Variants in RSF1 observed in about 807,000 individuals in gnomAD.
RSF1 encodes remodeling and spacing factor 1, also known as HBV pX-associated protein 8.
In RSF1, 13 loss-of-function variants were observed where a neutral mutation model predicts 145.2. The observed-to-expected ratio is 0.09, with a 90% CI of 0.06 to 0.14. The LOEUF is 0.14. Among genes scored for constraint, RSF1 ranks in the 10% least tolerant of loss-of-function variants. RSF1 has a pLI of 1.00. For missense variants in RSF1, 1,517 were observed against 1,718.2 expected, an observed-to-expected ratio of 0.88 and a Z score of 2.07; for synonymous variants, 577 against 592.6, an observed-to-expected ratio of 0.97 and a Z score of 0.38.
intron 5 of RSF1, among the ~76,000 whole-genome samples, chr11:77,710,855 GAT>G: frequency 6.6e-6 from 1 of 152,156 alleles, no homozygotes; most frequent in Non-Finnish European, 1.5e-5. Flanking sequence ...CAAAAGGAAG[GAT>G]ACGTATTTGA....
intron 5 of RSF1, among the ~76,000 whole-genome samples, chr11:77,706,532 T>C (rs1012892603): frequency 1.3e-5 from 2 of 152,190 alleles, no homozygotes; most frequent in Admixed American, 6.5e-5. Context: ...CCCATCTTTT[T>C]ACCAGAAACT....
chr11:77,698,130 G>T (rs922110289), intron 7 of RSF1, among the ~76,000 whole-genome samples: 1 of 152,090 alleles, frequency 6.6e-6, no homozygotes, highest in African/African-American at 2.4e-5. Flanking sequence ...ACTGGCATGT[G>T]GCCACCATGC....
chr11:77,707,635 CA>C (rs1176859979), intron 5 of RSF1, among the ~76,000 whole-genome samples: 18 of 152,092 alleles, frequency 1.2e-4, no homozygotes, highest in African/African-American at 4.3e-4. Context: ...TTTAACCAAC[CA>C]GCAAAGTTTT....
rs1164248993 is a variant in RSF1, at chr11:77,820,684, TCAC to T, written c.28_30del (p.Val10del). 1.3e-6 allele frequency: 2 copies of T among 1,553,154 alleles called. No individual in the cohort carries two copies. Among genetic ancestry groups the T allele is most frequent in the South Asian group, 1.2e-5 (1 of 84,242 alleles). On this transcript the variant is annotated inframe_deletion, in exon 1 of 16. Coordinates refer to ENST00000308488, the MANE Select transcript of RSF1 (RefSeq NM_016578.4). ...GAACCCGGGCAGCCCGGAGGAGCCA[TCAC>T]CGCCGCCGCTGCCGCCGCCGTCGCC...
Position 77,662,614 on chromosome 11 carries a change from C to G in RSF1, c.*4303G>C, listed in dbSNP as rs1282988803. 2 of 152,044 alleles carry G rather than the reference C, an allele frequency of 1.3e-5. No homozygotes were observed. Among genetic ancestry groups the G allele is most frequent in the Admixed American group, 1.3e-4 (2 of 15,232 alleles). The allele number at this position is 152,044 out of a possible 1,614,324, so 9.4% of individuals were successfully genotyped here. ...AACATATAGCAACTCAGTTTAAATA[C>G]ATTGATAGCAAAAGGCTTTGACCTT... On this transcript the variant is annotated 3_prime_UTR_variant, in exon 16 of 16. Coordinates refer to ENST00000308488, the MANE Select transcript of RSF1 (RefSeq NM_016578.4).
intron 1 of RSF1, among the ~76,000 whole-genome samples, chr11:77,797,121 G>A (rs1948580418): frequency 6.6e-6 from 1 of 152,180 alleles, no homozygotes. Flanking sequence ...TCCCCATCAA[G>A]CTACCGCTGA....
chr11:77,736,819 CT>C (rs1961364794), intron 4 of RSF1, among the ~76,000 whole-genome samples: 1 of 152,202 alleles, frequency 6.6e-6, no homozygotes, highest in African/African-American at 2.4e-5. Flanking sequence ...CCTGCAGCCC[CT>C]CTTAGAGATC....
At chr11:77,825,699 T>G (rs1055929793), upstream of RSF1, among the ~76,000 whole-genome samples, 3 of 142,370 alleles carry the variant, frequency 2.1e-5, no homozygotes, top group Non-Finnish European at 3.1e-5. Context: ...ATTTTTTTTG[T>G]TTTTTTTTTT....
chr11:77,775,415 A>G (rs1318133686), intron 1 of RSF1, among the ~76,000 whole-genome samples: 2 of 152,192 alleles, frequency 1.3e-5, no homozygotes, highest in East Asian at 1.9e-4. Flanking sequence ...CGAACAGGTG[A>G]TATCACTAAC....
chr11:77,705,771 T>G (rs1311038223), intron 5 of RSF1, among the ~76,000 whole-genome samples: 1 of 151,862 alleles, frequency 6.6e-6, no homozygotes, highest in Non-Finnish European at 1.5e-5. Context: ...GTGGGAGGAT[T>G]GCTTGAGCCC....
At chr11:77,780,225 A>T (rs936714716) in intron 1 of RSF1, among the ~76,000 whole-genome samples, 1 of 152,230 alleles carries the variant, frequency 6.6e-6, no homozygotes, top group African/African-American at 2.4e-5. Context: ...AAACCAAGTA[A>T]CTTTTTGATA....
At chr11:77,729,894 G>GAAAAAAAAA (rs1565162510) in intron 4 of RSF1, among the ~76,000 whole-genome samples, 3 of 11,772 alleles carry the variant, frequency 2.5e-4, no homozygotes, top group Admixed American at 1.0e-3. Flanking sequence ...TATTCAGTAG[G>GAAAAAAAAA]CAAAAAAAAA....
chr11:77,779,995 A>T (rs1451058977), intron 1 of RSF1, among the ~76,000 whole-genome samples: 1 of 152,172 alleles, frequency 6.6e-6, no homozygotes, highest in Non-Finnish European at 1.5e-5. Flanking sequence ...TCCTTTGGAA[A>T]TCATCTTTTT....
intron 4 of RSF1, among the ~76,000 whole-genome samples, chr11:77,728,697 A>G (rs530022349): frequency 2.0e-5 from 3 of 152,272 alleles, no homozygotes; most frequent in African/African-American, 4.8e-5. Context: ...ATATAATTCT[A>G]TGTATACAAA....
At chr11:77,752,946 T>C (rs4945209) in intron 2 of RSF1, among the ~76,000 whole-genome samples, 27,212 of 152,028 alleles carry the variant, frequency 0.18, 3,070 homozygotes, top group African/African-American at 0.3. Flanking sequence ...CACTGCTACA[T>C]TCCCACCAGC....
chr11:77,857,002 G>C, the RSF1 span, among the ~76,000 whole-genome samples: 9 of 152,242 alleles, frequency 5.9e-5, no homozygotes, highest in African/African-American at 2.2e-4. Context: ...AAATATTCTA[G>C]CATCCAAAAA....
chr11:77,669,492 G>A (rs1959462307), intron 15 of RSF1, among the ~76,000 whole-genome samples: 1 of 152,156 alleles, frequency 6.6e-6, no homozygotes, highest in African/African-American at 2.4e-5. Flanking sequence ...TCTATACAAT[G>A]TCCTACTCTG....
At chr11:77,791,852 A>G (rs1187203621) in intron 1 of RSF1, among the ~76,000 whole-genome samples, 1 of 152,124 alleles carries the variant, frequency 6.6e-6, no homozygotes, top group Non-Finnish European at 1.5e-5. Flanking sequence ...AGTCTCTAGG[A>G]AGTTCTAAAC....
At chr11:77,696,059 A>G (rs1960270494) in intron 7 of RSF1, among the ~76,000 whole-genome samples, 1 of 152,192 alleles carries the variant, frequency 6.6e-6, no homozygotes, top group South Asian at 2.1e-4. Context: ...ACTTACTTAC[A>G]TTAGTATTAT....
Sources: allele counts gnomAD v4.1 joint callset (sites outside exome capture counted in the v4.1 genomes callset), GRCh38; gene constraint gnomAD v4.1.1; transcripts MANE v1.5; gene names NCBI Gene and HGNC (gene_info 2026-07-23, HGNC 2026-07-21).